Variants in FBLN2 observed in about 807,000 individuals in gnomAD.
The protein encoded by FBLN2 is fibulin-2.
FBLN2 carries 81 observed loss-of-function variants against 123.7 expected under a neutral mutation model. The observed-to-expected ratio is 0.65, with a 90% CI of 0.55 to 0.79. FBLN2 has a LOEUF of 0.79. Among genes scored for constraint, FBLN2 ranks in the 30% least tolerant of loss-of-function variants. The pLI, the probability that FBLN2 is intolerant of heterozygous loss-of-function variation, is 0.00. For synonymous variants in FBLN2, 699 were observed against 701.4 expected, an observed-to-expected ratio of 1.00 and a Z score of 0.05; for missense variants, 1,603 against 1,681.3, an observed-to-expected ratio of 0.95 and a Z score of 0.81.
intron 1 of FBLN2, among the ~76,000 whole-genome samples, chr3:13,550,549 C>T (rs1703295111): frequency 1.3e-5 from 2 of 152,230 alleles, no homozygotes; most frequent in African/African-American, 2.4e-5. Flanking sequence ...CTGGTCCGGG[C>T]CCTCCCAGAG....
At chr3:13,622,125 A>C (rs1705875511) in intron 9 of FBLN2, among the ~76,000 whole-genome samples, 1 of 152,130 alleles carries the variant, frequency 6.6e-6, no homozygotes, top group African/African-American at 2.4e-5. Flanking sequence ...TGCTTTCCCC[A>C]GGGACGTGTC....
intron 2 of FBLN2, among the ~76,000 whole-genome samples, chr3:13,588,555 G>A (rs1704577753): frequency 6.6e-6 from 1 of 152,216 alleles, no homozygotes; most frequent in Non-Finnish European, 1.5e-5. Context: ...AGCACGGCTG[G>A]TGGCTGCTCC....
Position 13,636,463 on chromosome 3 carries a change from T to A in FBLN2, c.3233T>A (p.Leu1078Gln). ...CCCCCAGACGTGGATGAGTGTGCAC[T>A]GGGTACCCACAACTGTTCCGAGGCT... The part of the protein sequence containing the change: ...RSCKDVDECA[L>Q]GTHNCSEAET... The change falls in exon 17 of 18, where the codon CTG (leucine) becomes CAG (glutamine). Residue 1078 changes from leucine (L) to glutamine (Q), a missense_variant. Coordinates refer to ENST00000404922, the MANE Select transcript of FBLN2 (RefSeq NM_001004019.2). The A allele has an allele frequency of 6.2e-7, 1 of 1,613,674 alleles. No homozygotes were observed. Among genetic ancestry groups the A allele is most frequent in the East Asian group, 2.2e-5 (1 of 44,866 alleles).
Position 13,631,437 on chromosome 3 carries a change from C to G in FBLN2, c.3194C>G (p.Ala1065Gly), listed in dbSNP as rs376960243. ...ACPEQGYTMT[A>G]NGRSCKDVDE... ...CCTGAGCAGGGCTACACCATGACGG[C>G]CAACGGGAGGTCCTGCAAGGGTGAG... The change falls in exon 16 of 18, where the codon GCC (alanine) becomes GGC (glycine). Residue 1065 changes from alanine (A) to glycine (G), a missense_variant. Coordinates refer to ENST00000404922, the MANE Select transcript of FBLN2 (RefSeq NM_001004019.2). 59 of 1,595,180 alleles carry G rather than the reference C, an allele frequency of 3.7e-5. No homozygotes were observed. In the African/African-American group the frequency reaches 6.7e-4, roughly 18 times the overall value.
intron 2 of FBLN2, among the ~76,000 whole-genome samples, chr3:13,573,947 AG>A (rs989679193): frequency 3.8e-4 from 57 of 151,578 alleles, no homozygotes; most frequent in African/African-American, 1.3e-3. Flanking sequence ...GAAGAGCTGA[AG>A]AAGGCAGAAG....
intron 2 of FBLN2, among the ~76,000 whole-genome samples, chr3:13,607,349 A>G (rs1250559011): frequency 2.0e-5 from 3 of 152,186 alleles, no homozygotes; most frequent in African/African-American, 7.2e-5. Flanking sequence ...TCGTAAGAGA[A>G]AATATGTTTA....
chr3:13,603,103 A>T (rs1705089659), intron 2 of FBLN2, among the ~76,000 whole-genome samples: 2 of 151,176 alleles, frequency 1.3e-5, no homozygotes, highest in Admixed American at 1.3e-4. Context: ...AGCAGAGACG[A>T]GGTTTCATTA....
chr3:13,603,844 G>C (rs1705119237), intron 2 of FBLN2, among the ~76,000 whole-genome samples: 4 of 152,328 alleles, frequency 2.6e-5, no homozygotes, highest in African/African-American at 9.6e-5. Flanking sequence ...CTAGTTTACA[G>C]TCCCACCAAC....
chr3:13,607,972 C>A, intron 2 of FBLN2, 90 bp from the exon 3 acceptor site: 2 of 960,296 alleles, frequency 2.1e-6, no homozygotes, highest in African/African-American at 1.6e-5. Flanking sequence ...AGTTTGCCTG[C>A]CCAGTAAAGG....
intron 16 of FBLN2, among the ~76,000 whole-genome samples, chr3:13,633,954 AACACACACACACACACACACACAC>A (rs56947028): frequency 8.9e-6 from 1 of 112,828 alleles, no homozygotes; most frequent in Non-Finnish European, 1.8e-5. Flanking sequence ...ACACACTGCA[AACACACACACACACACACACACAC>A]ACACACACAC....
At chr3:13,584,573 G>C (rs1382335272) in intron 2 of FBLN2, among the ~76,000 whole-genome samples, 1 of 152,230 alleles carries the variant, frequency 6.6e-6, no homozygotes, top group Non-Finnish European at 1.5e-5. Context: ...GAGAGCCGAG[G>C]CTCCAGGGAG....
intron 16 of FBLN2, among the ~76,000 whole-genome samples, chr3:13,634,640 T>C (rs1260753511): frequency 1.3e-5 from 2 of 152,272 alleles, no homozygotes; most frequent in African/African-American, 4.8e-5. Context: ...GGCTCTACCC[T>C]GCCTGGCCTC....
In FBLN2 at chr3:13,628,890, C is replaced by T; in HGVS notation, c.2570-15C>T. On this transcript the variant is annotated splice_polypyrimidine_tract_variant and intron_variant, in intron 11 of 17. Transcript: ENST00000404922. ...ACCATGCCGGGCTCCCTGTCACCTACACCTGCCTCTGCAGACATCAACGAG... is the reference window on the plus strand; with the variant it reads ...ACCATGCCGGGCTCCCTGTCACCTATACCTGCCTCTGCAGACATCAACGAG... The T allele has an allele frequency of 6.2e-7, 1 of 1,610,114 alleles. No homozygotes were observed. The highest frequency in any genetic ancestry group is 1.3e-5 in the African/African-American group (1 of 74,964).
intron 9 of FBLN2, among the ~76,000 whole-genome samples, 159 bp from the exon 10 acceptor site, chr3:13,626,286 A>AT (rs1012565220): frequency 4.6e-5 from 7 of 152,144 alleles, no homozygotes; most frequent in Non-Finnish European, 1.0e-4. Flanking sequence ...GAATGAAGGG[A>AT]TGTTTGGGTG....
In FBLN2 at chr3:13,549,218, C is replaced by A. The variant is rs966890740; in HGVS notation, c.-42+10C>A. ...AGCGCAGTGCCCCGCGGTGAGTGCA[C>A]GCGGCCCCTCCCGCCCGGACTCATC... is the stretch of plus-strand genomic sequence containing the variant. On this transcript the variant is annotated intron_variant, in intron 1 of 17. Transcript: ENST00000404922. The A allele has an allele frequency of 1.0e-6, 1 of 983,684 alleles. No individual in the cohort carries two copies. Among genetic ancestry groups the A allele is most frequent in the Non-Finnish European group, 1.2e-6 (1 of 829,230 alleles). 60.9% of individuals were successfully genotyped at this position (983,684 alleles called of 1,614,324 possible).
At chr3:13,560,480 T>C (rs1046187648) in intron 1 of FBLN2, among the ~76,000 whole-genome samples, 3 of 152,012 alleles carry the variant, frequency 2.0e-5, no homozygotes, top group African/African-American at 4.8e-5. Flanking sequence ...CTCCTTGGGG[T>C]CTCACACCAC....
In FBLN2 at chr3:13,629,083, C is replaced by T. The variant is rs146760238; in HGVS notation, c.2713+35C>T. 134 of 1,612,788 alleles carry T rather than the reference C, an allele frequency of 8.3e-5. No individual in the cohort carries two copies. In the East Asian group the frequency reaches 1.9e-3, roughly 23 times the overall value. On this transcript the variant is annotated intron_variant, in intron 12 of 17. Transcript: ENST00000404922. ...GCCGCCTCCGCCCTGCCAGCCAGCCCGGCCTGCCCGCTTCCCCACCCCTGG... is the reference window on the plus strand; with the variant it reads ...GCCGCCTCCGCCCTGCCAGCCAGCCTGGCCTGCCCGCTTCCCCACCCCTGG...
chr3:13,620,889 G>C (rs1035491941), intron 8 of FBLN2, among the ~76,000 whole-genome samples: 1 of 152,212 alleles, frequency 6.6e-6, no homozygotes, highest in African/African-American at 2.4e-5. Context: ...CAGTAGACTT[G>C]CCCAGGGTAC....
intron 14 of FBLN2, 99 bp from the exon 15 acceptor site, chr3:13,630,600 G>T (rs975520470): frequency 1.5e-5 from 15 of 988,408 alleles, no homozygotes; most frequent in Middle Eastern, 5.8e-4. Context: ...CCCAGTCCAG[G>T]CCGGGGAGCT....
Sources: allele counts gnomAD v4.1 joint callset (sites outside exome capture counted in the v4.1 genomes callset), GRCh38; gene constraint gnomAD v4.1.1; transcripts MANE v1.5; gene names NCBI Gene and HGNC (gene_info 2026-07-23, HGNC 2026-07-21).